The following SHISA6 variants were observed in gnomAD, a reference collection of about 807,000 sequenced individuals.
SHISA6 encodes shisa family member 6.
Under a neutral mutation model 47.9 loss-of-function variants are expected in SHISA6, and 22 were observed. That is an observed-to-expected ratio of 0.46 (90% CI 0.33 to 0.66). The LOEUF (loss-of-function observed/expected upper bound fraction) is 0.66. Ranked by LOEUF, SHISA6 falls within the 30% of genes least tolerant of loss-of-function variation. The pLI is 0.02. For missense variants in SHISA6, 680 were observed against 764.6 expected, an observed-to-expected ratio of 0.89 and a Z score of 1.30; for synonymous variants, 388 against 337.8, an observed-to-expected ratio of 1.15 and a Z score of -1.63.
intron 1 of SHISA6, among the ~76,000 whole-genome samples, chr17:11,259,763 A>G (rs1908155083): frequency 6.6e-6 from 1 of 152,218 alleles, no homozygotes; most frequent in African/African-American, 2.4e-5. Context: ...ATTAACTGGC[A>G]TTTGCTAAAT....
At chr17:11,436,453 C>T (rs1914942541) in intron 3 of SHISA6, among the ~76,000 whole-genome samples, 1 of 152,148 alleles carries the variant, frequency 6.6e-6, no homozygotes, top group Non-Finnish European at 1.5e-5. Context: ...TTATATTATT[C>T]TCTTGGAAAT....
At chr17:11,270,965 G>C (rs1189263937) in intron 2 of SHISA6, among the ~76,000 whole-genome samples, 1 of 152,172 alleles carries the variant, frequency 6.6e-6, no homozygotes, top group African/African-American at 2.4e-5. Context: ...TTTTATAGCT[G>C]GTTGAACCAG....
intron 2 of SHISA6, among the ~76,000 whole-genome samples, chr17:11,284,545 T>C (rs1284627824): frequency 6.6e-6 from 1 of 152,186 alleles, no homozygotes; most frequent in Non-Finnish European, 1.5e-5. Context: ...ACAAATTGAC[T>C]ACTAGGTAGG....
At chr17:11,339,591 T>A (rs538270996) in intron 2 of SHISA6, among the ~76,000 whole-genome samples, 1 of 152,214 alleles carries the variant, frequency 6.6e-6, no homozygotes, top group Non-Finnish European at 1.5e-5. Flanking sequence ...TCACCTGAAG[T>A]AAGACATAAA....
chr17:11,338,468 C>T (rs894631421), intron 2 of SHISA6, among the ~76,000 whole-genome samples: 5 of 152,174 alleles, frequency 3.3e-5, no homozygotes, highest in African/African-American at 9.7e-5. Context: ...GTGGCATGAT[C>T]TCGGCTCACT....
chr17:11,354,664 C>G (rs1912022184), intron 2 of SHISA6, among the ~76,000 whole-genome samples: 1 of 152,216 alleles, frequency 6.6e-6, no homozygotes, highest in African/African-American at 2.4e-5. Context: ...GCAGCTGTGA[C>G]TCAGTCCACT....
intron 3 of SHISA6, among the ~76,000 whole-genome samples, chr17:11,450,552 G>A (rs982545702): frequency 6.6e-5 from 10 of 151,934 alleles, no homozygotes; most frequent in South Asian, 2.1e-4. Flanking sequence ...CTGGGTACTC[G>A]GGAGACTGAG....
chr17:11,317,011 G>C (rs1012554570), intron 2 of SHISA6, among the ~76,000 whole-genome samples: 1 of 152,058 alleles, frequency 6.6e-6, no homozygotes, highest in Non-Finnish European at 1.5e-5. Context: ...ATGAGCTCCT[G>C]TTACCATTTC....
chr17:11,323,129 C>A (rs1443253654), intron 2 of SHISA6, among the ~76,000 whole-genome samples: 1 of 152,158 alleles, frequency 6.6e-6, no homozygotes, highest in Non-Finnish European at 1.5e-5. Context: ...ACTTGGAATT[C>A]CATTCTGTTC....
At chr17:11,420,956 C>G (rs1415207027) in intron 3 of SHISA6, among the ~76,000 whole-genome samples, 1 of 152,162 alleles carries the variant, frequency 6.6e-6, no homozygotes, top group Non-Finnish European at 1.5e-5. Context: ...AAAGGGTACT[C>G]AGATATCCAT....
In SHISA6 at chr17:11,361,730, T is replaced by C. The variant is rs1807282132; in HGVS notation, c.800-17684T>C. 2.0e-5 allele frequency among the ~76,000 whole-genome samples: 3 copies of C among 152,240 alleles called. No homozygotes were observed. The South Asian group carries it at 6.2e-4, about 31-fold the overall frequency. On this transcript the variant is annotated intron_variant, in intron 2 of 5. Coordinates refer to ENST00000441885, the MANE Select transcript of SHISA6 (RefSeq NM_207386.4). ...TTAAAATGTGAATATGGGTATTTGT[T>C]AATTAATTCAATGAACAATTAATGA...
chr17:11,496,536 G>GT (rs1378844255), intron 3 of SHISA6, among the ~76,000 whole-genome samples: 2 of 151,996 alleles, frequency 1.3e-5, no homozygotes, highest in African/African-American at 4.8e-5. Context: ...TCAGGAGTTC[G>GT]AGACCAGCCT....
Position 11,420,662 on chromosome 17 carries a change from C to G in SHISA6, c.895+41153C>G, listed in dbSNP as rs1914427742. Among the ~76,000 whole-genome samples, 3 of 152,168 alleles carry G rather than the reference C, an allele frequency of 2.0e-5. No individual in the cohort carries two copies. The South Asian group carries it at 6.2e-4, about 32-fold the overall frequency. ...GCCACAGGAAGGGTGAGGTTGGGCA[C>G]CGCTGTTCCAATAGCTGGCCCCTTT... On this transcript the variant is annotated intron_variant, in intron 3 of 5. Transcript: ENST00000441885.
chr17:11,282,048 G>C (rs1292779666), intron 2 of SHISA6, among the ~76,000 whole-genome samples: 1 of 152,130 alleles, frequency 6.6e-6, no homozygotes, highest in Non-Finnish European at 1.5e-5. Context: ...AATCCAAAGG[G>C]ATCTATGATA....
chr17:11,379,807 C>G, intron 3 of SHISA6: 1 of 304,760 alleles, frequency 3.3e-6, no homozygotes, highest in Non-Finnish European at 6.1e-6. Flanking sequence ...TGGAAAACTG[C>G]CGGTGGATGT....
In SHISA6 at chr17:11,553,013, G is replaced by A. The variant is rs184162163; in HGVS notation, c.952+1061G>A. On this transcript the variant is annotated intron_variant, in intron 4 of 5. Transcript: ENST00000441885. ...CTTACTAACTGAATGTGGCTGATGA[G>A]AGCCAATGATGACACTGATTAGAAA... is the stretch of plus-strand genomic sequence containing the variant. Among the ~76,000 whole-genome samples, 6 of 152,308 alleles carry A rather than the reference G, an allele frequency of 3.9e-5. No homozygotes were observed. The East Asian group carries it at 1.2e-3, about 29-fold the overall frequency.
chr17:11,385,938 A>C lies in SHISA6; in HGVS notation c.895+6429A>C, dbSNP rs145310897. Among the ~76,000 whole-genome samples, 271 of 149,308 alleles carry C rather than the reference A, an allele frequency of 1.8e-3. 1 individual carries two copies. Among genetic ancestry groups the C allele is most frequent in the African/African-American group, 6.2e-3 (253 of 40,540 alleles). On this transcript the variant is annotated intron_variant, in intron 3 of 5. Coordinates refer to ENST00000441885, the MANE Select transcript of SHISA6 (RefSeq NM_207386.4). Reference sequence around the variant, plus strand: ...AGCGTGAGAAGTGACCACGAGACCGAGGCTCGTGGAGATCATTGATGAACT... The same window carrying C: ...AGCGTGAGAAGTGACCACGAGACCGCGGCTCGTGGAGATCATTGATGAACT...
At chr17:11,537,546 G>C (rs375244952) in intron 3 of SHISA6, among the ~76,000 whole-genome samples, 2 of 152,084 alleles carry the variant, frequency 1.3e-5, no homozygotes, top group African/African-American at 4.8e-5. Context: ...CCCCCAACAC[G>C]CTCATACTCA....
intron 2 of SHISA6, among the ~76,000 whole-genome samples, chr17:11,295,233 G>GC (rs1909706655): frequency 6.6e-6 from 1 of 152,156 alleles, no homozygotes; most frequent in African/African-American, 2.4e-5. Context: ...CAGATAATAG[G>GC]GGACTACCAT....
Sources: allele counts gnomAD v4.1 joint callset (sites outside exome capture counted in the v4.1 genomes callset), GRCh38; gene constraint gnomAD v4.1.1; transcripts MANE v1.5; gene names NCBI Gene and HGNC (gene_info 2026-07-23, HGNC 2026-07-21).